Variants in IVNS1ABP observed in about 807,000 individuals in gnomAD.
The protein encoded by IVNS1ABP is influenza virus NS1A-binding protein.
IVNS1ABP carries 25 observed loss-of-function variants against 78.9 expected under a neutral mutation model. That is an observed-to-expected ratio of 0.32 (90% confidence interval 0.23 to 0.44). The LOEUF (loss-of-function observed/expected upper bound fraction) is 0.44, where lower values mean the gene tolerates loss of function less well. Among genes scored for constraint, IVNS1ABP ranks in the 20% least tolerant of loss-of-function variants. The pLI, the probability that IVNS1ABP is intolerant of heterozygous loss-of-function variation, is 1.00. For missense variants in IVNS1ABP, 494 were observed against 768.9 expected (o/e 0.64, Z 4.23); for synonymous variants, 241 against 259.7 (o/e 0.93, Z 0.69).
At chr1:185,307,724 G>C (rs374243691) in intron 5 of IVNS1ABP, 62 bp from the exon 6 acceptor site, 1 of 1,494,510 alleles carries the variant, frequency 6.7e-7, no homozygotes, top group African/African-American at 1.4e-5. Flanking sequence ...AATATTTAAT[G>C]TTCAGTGTGG....
chr1:185,298,463 A>T lies in IVNS1ABP; in HGVS notation c.1676-175T>A. 6.4e-6 allele frequency: 4 copies of T among 620,610 alleles called. No homozygotes were observed. Among genetic ancestry groups the T allele is most frequent in the Non-Finnish European group, 1.1e-5 (4 of 371,804 alleles). 38.4% of individuals were successfully genotyped at this position (620,610 alleles called of 1,614,324 possible). A position where few individuals can be genotyped will look rare whatever the true frequency, so the allele number is the denominator to read the frequency against. ...TGACAAATACTCTCTAAGAGCTGGG[A>T]ATCAAATCAATAAAAAAACCATTCC... On this transcript the variant is annotated intron_variant, in intron 14 of 14. Coordinates refer to ENST00000367498, the MANE Select transcript of IVNS1ABP (RefSeq NM_006469.5). The surrounding 1 kb of genome is among the most constrained non-coding windows in gnomAD (Gnocchi z 4.1).
At position 185,297,862 on chromosome 1, in the gene IVNS1ABP, T is replaced by C. The variant is rs1210718110; in HGVS notation, c.*173A>G. ...AACAGACCTTCATCTTTGCATTCCT[T>C]TCCAAATAAACCCAAAAAGTATGTA... On this transcript the variant is annotated 3_prime_UTR_variant, in exon 15 of 15. Coordinates refer to ENST00000367498, the MANE Select transcript of IVNS1ABP (RefSeq NM_006469.5). The C allele has an allele frequency of 1.6e-6, 1 of 606,192 alleles. No homozygotes were observed. Among genetic ancestry groups the C allele is most frequent in the African/African-American group, 1.9e-5 (1 of 54,022 alleles). The allele number at this position is 606,192 out of a possible 1,614,324, so 37.6% of individuals were successfully genotyped here. A position where few individuals can be genotyped will look rare whatever the true frequency, so the allele number is the denominator to read the frequency against.
chr1:185,310,304 G>A (rs1214180938), intron 2 of IVNS1ABP, among the ~76,000 whole-genome samples: 2 of 151,992 alleles, frequency 1.3e-5, no homozygotes, highest in African/African-American at 4.8e-5. Context: ...TACACAAAAT[G>A]CATAATTAAA....
At chr1:185,316,030 A>C (rs1666008555) in intron 1 of IVNS1ABP, among the ~76,000 whole-genome samples, 1 of 152,234 alleles carries the variant, frequency 6.6e-6, no homozygotes, top group Non-Finnish European at 1.5e-5. Context: ...GTAGTTCTCA[A>C]GTAGTGGTTC....
In IVNS1ABP at chr1:185,300,234, G is replaced by C; in HGVS notation, c.1352C>G (p.Thr451Ser). ...ATTATTACCTGCATTACAACGGTTA[G>C]TTCTCAATTCTGGAACAGGAATCCA... ...DDWIPVPELR[T>S]NRCNAGVCAL... The change falls in exon 12 of 15, where the codon ACT becomes AGT. Residue 451 changes from threonine to serine, a missense_variant. Physicochemically the swap from Thr to Ser is moderately conservative, Grantham distance 58. Transcript: ENST00000367498. 1 of 1,613,232 alleles carries C rather than the reference G, an allele frequency of 6.2e-7. No homozygotes were observed. The highest frequency in any genetic ancestry group is 8.5e-7 in the Non-Finnish European group (1 of 1,179,614).
intron 1 of IVNS1ABP, among the ~76,000 whole-genome samples, chr1:185,313,335 A>ATATGAACC (rs370380494): frequency 5.9e-5 from 9 of 152,316 alleles, no homozygotes; most frequent in East Asian, 5.8e-4. Flanking sequence ...CAAGGTCATA[A>ATATGAACC]TATGAACCTC....
At chr1:185,304,183 C>T (rs893912473) in intron 8 of IVNS1ABP, among the ~76,000 whole-genome samples, 33 of 152,022 alleles carry the variant, frequency 2.2e-4, no homozygotes, top group Admixed American at 1.8e-3. Context: ...TCGTAGCTAC[C>T]TCTTATAAGC....
intron 1 of IVNS1ABP, among the ~76,000 whole-genome samples, chr1:185,315,299 G>GA (rs1402366242): frequency 6.6e-6 from 1 of 151,996 alleles, no homozygotes; most frequent in African/African-American, 2.4e-5. Context: ...CTTCAAGCAA[G>GA]AAAAAATCCC....
chr1:185,304,187 T>TA (rs1448738110), intron 8 of IVNS1ABP, among the ~76,000 whole-genome samples: 1 of 152,072 alleles, frequency 6.6e-6, no homozygotes, highest in Non-Finnish European at 1.5e-5. Flanking sequence ...AGCTACCTCT[T>TA]ATAAGCCTGT....
intron 7 of IVNS1ABP, chr1:185,306,718 G>T: frequency 9.8e-7 from 1 of 1,023,192 alleles, no homozygotes; most frequent in South Asian, 1.9e-5. Flanking sequence ...GAAAAATTAA[G>T]AATCTACAGA....
chr1:185,305,838 C>A lies in IVNS1ABP; in HGVS notation c.658-195G>T, dbSNP rs549657151. The stretch of plus-strand genomic sequence containing the variant: ...AAATTAAAAAACAAAAACAAAAAAC[C>A]AAAATCAAATACAAAATCTTCCAAT... On this transcript the variant is annotated intron_variant, in intron 7 of 14. Transcript: ENST00000367498. This position sits in a 1 kb window ranked among gnomAD's most constrained non-coding sequence, Gnocchi z 4.0. 2 of 568,490 alleles carry A rather than the reference C, an allele frequency of 3.5e-6. No individual in the cohort carries two copies. The highest frequency in any genetic ancestry group is 3.0e-5 in the East Asian group (1 of 32,882). 35.2% of individuals were successfully genotyped at this position (568,490 alleles called of 1,614,324 possible).
At position 185,300,492 on chromosome 1, in the gene IVNS1ABP, G is replaced by C; in HGVS notation, c.1187C>G (p.Ser396Cys). ...TGGTGTTCTCATGGGAGCAAGAAAGGACCAGTGATCTGTATGTGGATTATA... is the reference window on the plus strand; with the variant it reads ...TGGTGTTCTCATGGGAGCAAGAAAGCACCAGTGATCTGTATGTGGATTATA... ...ECYNPHTDHW[S>C]FLAPMRTPRA... The change falls in exon 11 of 15, where the codon TCC (serine) becomes TGC (cysteine). Residue 396 changes from serine to cysteine, a missense_variant. Coordinates refer to ENST00000367498, the MANE Select transcript of IVNS1ABP (RefSeq NM_006469.5). 1 of 1,613,626 alleles carries C rather than the reference G, an allele frequency of 6.2e-7. No homozygotes were observed. The highest frequency in any genetic ancestry group is 8.5e-7 in the Non-Finnish European group (1 of 1,179,674).
rs765731906 is a variant in IVNS1ABP, at chr1:185,305,528, A to G, written c.765+8T>C. ...ACCTGAGGTTACCTCAGACTGTGCA[A>G]TGTGTACCTGCACAAACTGAATGTG... is the stretch of plus-strand genomic sequence containing the variant. On this transcript the variant is annotated splice_region_variant and intron_variant, in intron 8 of 14. Coordinates refer to ENST00000367498, the MANE Select transcript of IVNS1ABP (RefSeq NM_006469.5). This position sits in a 1 kb window ranked among gnomAD's most constrained non-coding sequence, Gnocchi z 4.0. 1 of 1,612,536 alleles carries G rather than the reference A, an allele frequency of 6.2e-7. No individual in the cohort carries two copies. Among genetic ancestry groups the G allele is most frequent in the East Asian group, 2.2e-5 (1 of 44,860 alleles).
Position 185,317,010 on chromosome 1 carries a change from G to C in IVNS1ABP, c.-304C>G. ...TTTCTAGAGCTTCGATGGGAAGCAG[G>C]AGGAAGCGGGCGGGAATCGGCCCAA... On this transcript the variant is annotated 5_prime_UTR_variant, in exon 1 of 15. Transcript: ENST00000367498. 1 of 398,876 alleles carries C rather than the reference G, an allele frequency of 2.5e-6. No individual in the cohort carries two copies. The highest frequency in any genetic ancestry group is 1.3e-4 in the South Asian group (1 of 7,858). The allele number at this position is 398,876 out of a possible 1,614,324, so 24.7% of individuals were successfully genotyped here.
At chr1:185,304,052 C>T (rs565485022) in intron 8 of IVNS1ABP, among the ~76,000 whole-genome samples, 7 of 152,218 alleles carry the variant, frequency 4.6e-5, no homozygotes, top group African/African-American at 1.7e-4. Context: ...TCTTTGCTAA[C>T]ACCTCTCCCT....
chr1:185,307,547 T>C lies in IVNS1ABP; in HGVS notation c.473A>G (p.Gln158Arg). 2.5e-6 allele frequency: 4 copies of C among 1,613,590 alleles called. No homozygotes were observed. The highest frequency in any genetic ancestry group is 2.5e-6 in the Non-Finnish European group (3 of 1,179,700). The change falls in exon 6 of 15, where the codon CAG becomes CGG. Residue 158 changes from glutamine to arginine, a missense_variant. Transcript: ENST00000367498. ...TTCAGAAATTTGTAACAAATGCTCC[T>C]GAATATAAGCATCAACCTTATTCAA... Reference protein sequence around the residue: ...RLLNKVDAYIQEHLLQISEEE... With the variant: ...RLLNKVDAYIREHLLQISEEE...
chr1:185,307,229 G>A (rs966640787), intron 6 of IVNS1ABP, 90 bp from the exon 7 acceptor site: 73 of 1,443,920 alleles, frequency 5.1e-5, no homozygotes, highest in Admixed American at 4.0e-4. Flanking sequence ...TGTCACAGAT[G>A]CACAATTCAT....
In IVNS1ABP at chr1:185,304,675, T is replaced by A. The variant is rs563037673; in HGVS notation, c.765+861A>T. Among the ~76,000 whole-genome samples the A allele has an allele frequency of 5.9e-5, 9 of 152,234 alleles. No homozygotes were observed. In the South Asian group the frequency reaches 1.7e-3, roughly 28 times the overall value. Reference sequence around the variant, plus strand: ...TAAATTTTTTCAAGCATAGCCAAACTAATTTAATGTGTCAGAAGGTAGGAT... The same window carrying A: ...TAAATTTTTTCAAGCATAGCCAAACAAATTTAATGTGTCAGAAGGTAGGAT... On this transcript the variant is annotated intron_variant, in intron 8 of 14. Coordinates refer to ENST00000367498, the MANE Select transcript of IVNS1ABP (RefSeq NM_006469.5).
chr1:185,310,276 A>G (rs542959947), intron 2 of IVNS1ABP, among the ~76,000 whole-genome samples: 3 of 152,296 alleles, frequency 2.0e-5, no homozygotes, highest in Non-Finnish European at 4.4e-5. Flanking sequence ...CATTACTTAT[A>G]AACAACTGAC....
Sources: allele counts gnomAD v4.1 joint callset (sites outside exome capture counted in the v4.1 genomes callset), GRCh38; gene constraint gnomAD v4.1.1; non-coding constraint Gnocchi (gnomAD v3.1); transcripts MANE v1.5; gene names NCBI Gene and HGNC (gene_info 2026-07-23, HGNC 2026-07-21).